The following HVCN1 variants were observed in gnomAD, a reference collection of about 807,000 sequenced individuals.
HVCN1 encodes voltage-gated hydrogen channel 1.
In HVCN1, 14 loss-of-function variants were observed where a neutral mutation model predicts 29.2. The ratio of observed to expected loss-of-function variants is 0.48; its 90% CI spans 0.32 to 0.75. HVCN1 has a LOEUF of 0.75. Among genes scored for constraint, HVCN1 ranks in the 30% least tolerant of loss-of-function variants. HVCN1 has a pLI of 0.04. For missense variants in HVCN1, 263 were observed against 341.8 expected (o/e 0.77, Z 1.82); for synonymous variants, 131 against 133.2 (o/e 0.98, Z 0.11).
chr12:110,670,903 GAA>G (rs909960590), intron 3 of HVCN1, among the ~76,000 whole-genome samples: 12 of 152,170 alleles, frequency 7.9e-5, no homozygotes, highest in Admixed American at 3.3e-4. Flanking sequence ...TACAAAAAGA[GAA>G]AAGGGGCCAG....
intron 3 of HVCN1, among the ~76,000 whole-genome samples, chr12:110,662,927 G>A (rs1169777181): frequency 6.6e-6 from 1 of 152,188 alleles, no homozygotes; most frequent in East Asian, 1.9e-4. Flanking sequence ...AAAACTCCAT[G>A]GAAAACTGGG....
intron 3 of HVCN1, among the ~76,000 whole-genome samples, chr12:110,673,856 C>G (rs2068660443): frequency 6.6e-6 from 1 of 152,200 alleles, no homozygotes; most frequent in Non-Finnish European, 1.5e-5. Flanking sequence ...GGGGTGGGGC[C>G]CTCATGGAGA....
intron 2 of HVCN1, among the ~76,000 whole-genome samples, chr12:110,699,218 T>C (rs1011062102): frequency 2.0e-5 from 3 of 152,198 alleles, no homozygotes; most frequent in African/African-American, 7.2e-5. Flanking sequence ...TGCTGGGTCT[T>C]GGCTGCAGCC....
chr12:110,678,505 C>CAGTGG (rs1170023142), intron 3 of HVCN1, among the ~76,000 whole-genome samples: 1 of 125,602 alleles, frequency 8.0e-6, no homozygotes, highest in Non-Finnish European at 1.6e-5. Context: ...GGCTGGAGGG[C>CAGTGG]AGTGGCATGA....
chr12:110,677,650 T>G (rs994114092), intron 3 of HVCN1, among the ~76,000 whole-genome samples: 1 of 152,190 alleles, frequency 6.6e-6, no homozygotes, highest in African/African-American at 2.4e-5. Flanking sequence ...CCAGCACTTC[T>G]CCCTTCCTGC....
intron 3 of HVCN1, among the ~76,000 whole-genome samples, chr12:110,671,807 C>T (rs2068585639): frequency 1.3e-5 from 2 of 152,232 alleles, no homozygotes; most frequent in African/African-American, 4.8e-5. Context: ...ACATCACCTG[C>T]TGTCGCTTGA....
chr12:110,682,989 G>A (rs1027359089), intron 3 of HVCN1: 16 of 432,280 alleles, frequency 3.7e-5, no homozygotes, highest in South Asian at 1.9e-4. Context: ...AAAAAAAACC[G>A]CACATAGTTA....
At position 110,649,051 on chromosome 12, in the gene HVCN1, G is replaced by T. The variant is rs926457064; in HGVS notation, c.*359C>A. 5 of 528,628 alleles carry T rather than the reference G, an allele frequency of 9.5e-6. No individual in the cohort carries two copies. The highest frequency in any genetic ancestry group is 7.6e-5 in the African/African-American group (4 of 52,788). The allele number at this position is 528,628 out of a possible 1,614,324, so 32.7% of individuals were successfully genotyped here. Reference sequence around the variant, plus strand: ...CTTTTTCTTTCTTTCAGAATGCTCAGATGCATCAGTTCCTTAATATACACG... The same window carrying T: ...CTTTTTCTTTCTTTCAGAATGCTCATATGCATCAGTTCCTTAATATACACG... On this transcript the variant is annotated 3_prime_UTR_variant, in exon 8 of 8. Coordinates refer to ENST00000242607, the MANE Select transcript of HVCN1 (RefSeq NM_032369.4).
chr12:110,699,205 C>A (rs1593556586), intron 2 of HVCN1, among the ~76,000 whole-genome samples: 1 of 152,272 alleles, frequency 6.6e-6, no homozygotes, highest in East Asian at 1.9e-4. Context: ...CTTTGCTGGG[C>A]TTTGCTGGGT....
At position 110,651,162 on chromosome 12, in the gene HVCN1, A is replaced by C. The variant is rs577208007; in HGVS notation, c.643+55T>G. 12 of 1,330,212 alleles carry C rather than the reference A, an allele frequency of 9.0e-6. No individual in the cohort carries two copies. The South Asian group carries it at 1.4e-4, about 16-fold the overall frequency. 82.4% of individuals were successfully genotyped at this position (1,330,212 alleles called of 1,614,324 possible). A position where few individuals can be genotyped will look rare whatever the true frequency, so the allele number is the denominator to read the frequency against. On this transcript the variant is annotated intron_variant, in intron 6 of 7. Transcript: ENST00000242607. Reference sequence around the variant, plus strand: ...GAGTGACTGCGCAGTCAGGCCTTGGATGTATGCCTGGGCCCCTACTCTCCA... The same window carrying C: ...GAGTGACTGCGCAGTCAGGCCTTGGCTGTATGCCTGGGCCCCTACTCTCCA...
chr12:110,669,431 TG>T (rs1031080776), intron 3 of HVCN1, among the ~76,000 whole-genome samples: 15 of 152,120 alleles, frequency 9.9e-5, no homozygotes, highest in African/African-American at 2.9e-4. Context: ...CCAGCTCTCT[TG>T]GCTTCCCCAG....
At chr12:110,699,325 C>T (rs1267929903) in intron 2 of HVCN1, among the ~76,000 whole-genome samples, 2 of 152,116 alleles carry the variant, frequency 1.3e-5, no homozygotes, top group Non-Finnish European at 2.9e-5. Flanking sequence ...GGGCCTGGAA[C>T]GGGAGCCAAT....
At chr12:110,691,284 C>T (rs1392452198), upstream of HVCN1, among the ~76,000 whole-genome samples, 2 of 148,934 alleles carry the variant, frequency 1.3e-5, no homozygotes, top group African/African-American at 5.0e-5. Flanking sequence ...AGGATGGTCT[C>T]GATCTCCTGA....
At position 110,661,135 on chromosome 12, in the gene HVCN1, T is replaced by C. The variant is rs775562693; in HGVS notation, c.306+29A>G. 6 of 1,562,688 alleles carry C rather than the reference T, an allele frequency of 3.8e-6. No individual in the cohort carries two copies. Among genetic ancestry groups the C allele is most frequent in the Non-Finnish European group, 5.2e-6 (6 of 1,152,192 alleles). ...TCCCCGATGGCTCTCCTGCCAGCTC[T>C]GGGTATCCCGGACTCCTGCCCCACC... On this transcript the variant is annotated intron_variant, in intron 4 of 7. Coordinates refer to ENST00000242607, the MANE Select transcript of HVCN1 (RefSeq NM_032369.4). The surrounding 1 kb of genome is among the most constrained non-coding windows in gnomAD (Gnocchi z 6.2).
At chr12:110,681,660 C>CCAT (rs560447032) in intron 3 of HVCN1, among the ~76,000 whole-genome samples, 18 of 152,034 alleles carry the variant, frequency 1.2e-4, no homozygotes, top group Admixed American at 2.6e-4. Context: ...TACACAATCA[C>CCAT]CATCATCATC....
intron 3 of HVCN1, among the ~76,000 whole-genome samples, chr12:110,669,724 G>T (rs1463905579): frequency 6.6e-6 from 1 of 152,084 alleles, no homozygotes; most frequent in Non-Finnish European, 1.5e-5. Context: ...ACGCTGGGAG[G>T]GCAGAGACTC....
chr12:110,679,173 T>C (rs1394499752), intron 3 of HVCN1, among the ~76,000 whole-genome samples: 2 of 152,142 alleles, frequency 1.3e-5, no homozygotes, highest in Admixed American at 6.5e-5. Context: ...AAAACCTGAG[T>C]CCTGGGCTCA....
chr12:110,674,725 G>T (rs185227025), intron 3 of HVCN1, among the ~76,000 whole-genome samples: 3 of 151,992 alleles, frequency 2.0e-5, no homozygotes, highest in Non-Finnish European at 4.4e-5. Context: ...AGTGCTTTTC[G>T]TCTCCTGCCA....
intron 2 of HVCN1, among the ~76,000 whole-genome samples, chr12:110,701,873 A>G (rs1263283241): frequency 6.8e-6 from 1 of 147,686 alleles, no homozygotes; most frequent in African/African-American, 2.6e-5. Flanking sequence ...AAAACAAAAC[A>G]ACAAGAACAA....
Sources: allele counts gnomAD v4.1 joint callset (sites outside exome capture counted in the v4.1 genomes callset), GRCh38; gene constraint gnomAD v4.1.1; non-coding constraint Gnocchi (gnomAD v3.1); transcripts MANE v1.5; gene names NCBI Gene and HGNC (gene_info 2026-07-23, HGNC 2026-07-21).